The following GGT1 variants were observed in gnomAD, a reference collection of about 807,000 sequenced individuals.
GGT1 encodes the protein gamma-glutamyltransferase 1, also known as glutathione hydrolase 1 proenzyme.
A neutral mutation model predicts 56.0 loss-of-function variants in GGT1; 21 were observed. The observed-to-expected ratio is 0.38, with a 90% CI of 0.27 to 0.54. GGT1 has a LOEUF of 0.54. Ranked by LOEUF, GGT1 falls within the 20% of genes least tolerant of loss-of-function variation. The pLI is 0.82. For synonymous variants in GGT1, 238 were observed against 342.6 expected, an observed-to-expected ratio of 0.69 and a Z score of 3.37; for missense variants, 466 against 787.0, an observed-to-expected ratio of 0.59 and a Z score of 4.88.
intron 1 of GGT1, among the ~76,000 whole-genome samples, chr22:24,605,585 TA>T (rs1206979829): frequency 5.3e-5 from 3 of 56,120 alleles, no homozygotes; most frequent in South Asian, 5.2e-4. Flanking sequence ...GTATTATATA[TA>T]TAATATTATA....
chr22:24,588,568 C>T, the GGT1 span: 60 of 831,130 alleles, frequency 7.2e-5, no homozygotes, highest in African/African-American at 7.9e-4. Context: ...CAGTGCCCGG[C>T]GGGAGGAAGC....
rs371613143 is a variant in GGT1, at chr22:24,615,403, C to T, written c.382+276C>T. On this transcript the variant is annotated intron_variant, in intron 7 of 15. Coordinates refer to ENST00000400382, the MANE Select transcript of GGT1 (RefSeq NM_001288833.2). ...TTATTATGCTAGCAGACCTCATGGACCAGGGCTCACTGGGGCCCACACTCT... is the reference window on the plus strand; with the variant it reads ...TTATTATGCTAGCAGACCTCATGGATCAGGGCTCACTGGGGCCCACACTCT... Among the ~76,000 whole-genome samples the T allele has an allele frequency of 2.1e-3, 315 of 152,216 alleles. 3 individuals are homozygous for T. In the South Asian group the frequency reaches 0.024, roughly 12 times the overall value.
the GGT1 span, chr22:24,585,560 G>A: frequency 2.6e-6 from 1 of 390,822 alleles, no homozygotes; most frequent in Non-Finnish European, 4.7e-6. Flanking sequence ...GATAGACACA[G>A]CCACCCTTTC....
At chr22:24,588,229 C>CT in the GGT1 span, 1 of 1,612,928 alleles carries the variant, frequency 6.2e-7, no homozygotes, top group East Asian at 2.2e-5. Flanking sequence ...CTGGGTCTTC[C>CT]TCTGGCGCAG....
the GGT1 span, chr22:24,586,205 A>T: frequency 1.9e-6 from 3 of 1,613,692 alleles, no homozygotes; most frequent in Non-Finnish European, 2.5e-6. Flanking sequence ...GAGCTGGGTG[A>T]GGCGGGGCAG....
intron 2 of GGT1, among the ~76,000 whole-genome samples, chr22:24,608,613 G>A (rs968175689): frequency 6.6e-6 from 1 of 152,222 alleles, no homozygotes; most frequent in African/African-American, 2.4e-5. Flanking sequence ...ACCAGGCCAG[G>A]CCCCTGCCCC....
chr22:24,591,594 A>G (rs548419145), upstream of GGT1, among the ~76,000 whole-genome samples: 1 of 152,314 alleles, frequency 6.6e-6, no homozygotes, highest in South Asian at 2.1e-4. Flanking sequence ...CTGGACCTCA[A>G]ATCCCAACCT....
Position 24,621,025 on chromosome 22 carries a change from A to T in GGT1, c.688A>T (p.Asn230Tyr). 1 of 1,607,562 alleles carries T rather than the reference A, an allele frequency of 6.2e-7. No homozygotes were observed. The highest frequency in any genetic ancestry group is 8.5e-7 in the Non-Finnish European group (1 of 1,177,722). Residue 230 changes from asparagine to tyrosine, a missense_variant, in exon 9 of 16, where the codon AAC (asparagine) becomes TAC (tyrosine). Around this residue, in one of 2 missense-constraint regions of GGT1, gnomAD observed 456 missense variants for 716.7 expected, o/e 0.64. Transcript: ENST00000400382. ...CATCGAGGGTGCCCAGGCCTTCTAC[A>T]ACGGCAGCCTCACGGCCCAGATTGT... is the stretch of plus-strand genomic sequence containing the variant. ...LAIEGAQAFYNGSLTAQIVKD... is the reference protein window; with the variant it reads ...LAIEGAQAFYYGSLTAQIVKD...
the GGT1 span, chr22:24,589,327 G>C: frequency 8.5e-7 from 1 of 1,170,082 alleles, no homozygotes. Flanking sequence ...CCTTGCTTAT[G>C]ACCCCAGCTG....
At chr22:24,616,070 TAC>T (rs2047040686) in intron 7 of GGT1, 1 of 149,358 alleles carries the variant, frequency 6.7e-6, no homozygotes, top group Non-Finnish European at 1.5e-5. Context: ...GCCATGATTG[TAC>T]CACTACACTC....
At chr22:24,614,725 G>A (rs141389154) in intron 5 of GGT1, 51 bp from the exon 6 acceptor site, 9 of 1,591,878 alleles carry the variant, frequency 5.7e-6, no homozygotes, top group Non-Finnish European at 7.7e-6. Context: ...GTGTATGCGG[G>A]GCCAGGGTGG....
chr22:24,590,790 C>T (rs1446163149), upstream of GGT1, among the ~76,000 whole-genome samples: 3 of 152,152 alleles, frequency 2.0e-5, no homozygotes, highest in African/African-American at 4.8e-5. Context: ...AGCCTCACCA[C>T]CCATGCCCCA....
chr22:24,593,054 G>A, upstream of GGT1: 5 of 1,039,530 alleles, frequency 4.8e-6, no homozygotes, highest in Non-Finnish European at 5.8e-6. Flanking sequence ...GCCGCGCGAT[G>A]GTCGCCGAAC....
the GGT1 span, chr22:24,585,919 C>T: frequency 1.2e-6 from 2 of 1,604,554 alleles, no homozygotes; most frequent in African/African-American, 1.3e-5. Flanking sequence ...GCTCGGGTCC[C>T]AGCCCAGCAG....
chr22:24,608,536 G>A (rs1165036691), intron 2 of GGT1, among the ~76,000 whole-genome samples: 2 of 152,254 alleles, frequency 1.3e-5, no homozygotes, highest in African/African-American at 4.8e-5. Context: ...AGCATGACCC[G>A]GCCCAGTGGA....
Position 24,627,946 on chromosome 22 carries a change from G to T in GGT1, c.1303G>T (p.Val435Leu). The T allele has an allele frequency of 6.2e-7, 1 of 1,612,846 alleles. No individual in the cohort carries two copies. The highest frequency in any genetic ancestry group is 1.3e-5 in the African/African-American group (1 of 74,660). ...TCCCAGCATCACCAACGAGTTTGGG[G>T]TACCCCCCTCACCTGCCAATTTCAT... ...SSPSITNEFG[V>L]PPSPANFIQP... Residue 435 changes from valine to leucine, a missense_variant, in exon 13 of 16, where the codon GTA becomes TTA. Coordinates refer to ENST00000400382, the MANE Select transcript of GGT1 (RefSeq NM_001288833.2).
the GGT1 span, chr22:24,588,960 T>G: frequency 9.9e-7 from 1 of 1,006,268 alleles, no homozygotes; most frequent in South Asian, 4.0e-5. Flanking sequence ...CTGAGCATGC[T>G]CCACTGCATC....
At chr22:24,588,349 C>T in the GGT1 span, 2 of 1,588,716 alleles carry the variant, frequency 1.3e-6, no homozygotes, top group African/African-American at 1.3e-5. Flanking sequence ...GGCAGTGTCA[C>T]CATGGTGAAT....
At chr22:24,626,062 C>A (rs183882483) in intron 11 of GGT1, among the ~76,000 whole-genome samples, 15 of 108,220 alleles carry the variant, frequency 1.4e-4, no homozygotes, top group Admixed American at 4.8e-4. Flanking sequence ...GCGGGATCTC[C>A]GCTCACTGCA....
Sources: gnomAD v4.1 joint callset for allele counts (sites outside exome capture counted in the v4.1 genomes callset) on GRCh38, gnomAD v4.1.1 for gene constraint, gnomAD v4.1.1 regional missense constraint, MANE v1.5 for transcripts, NCBI Gene and HGNC (gene_info 2026-07-23, HGNC 2026-07-21) for gene names.